Variants in SYNM observed in about 807,000 individuals in gnomAD.
SYNM encodes the protein synemin, also known as desmuslin.
SYNM carries 95 observed loss-of-function variants against 104.0 expected under a neutral mutation model. The ratio of observed to expected loss-of-function variants is 0.91; its 90% CI spans 0.77 to 1.08. SYNM has a LOEUF of 1.08. SYNM is among the 50% of genes least tolerant of loss of function. The pLI is 0.00. For synonymous variants in SYNM, 918 were observed against 869.0 expected (o/e 1.06, Z -0.99); for missense variants, 2,150 against 2,052.2 (o/e 1.05, Z -0.92).
At chr15:99,138,576 G>A (rs2151821122), downstream of SYNM, among the ~76,000 whole-genome samples, 1 of 152,324 alleles carries the variant, frequency 6.6e-6, no homozygotes, top group South Asian at 2.1e-4. Context: ...GCCTCCCAAG[G>A]TGCTGGGATT....
In SYNM at chr15:99,131,686, C is replaced by T. The variant is rs897500389; in HGVS notation, c.3326C>T (p.Thr1109Ile). The T allele has an allele frequency of 2.5e-6, 4 of 1,613,166 alleles. No individual in the cohort carries two copies. The highest frequency in any genetic ancestry group is 1.1e-5 in the South Asian group (1 of 91,030). The change falls in exon 4 of 4, where the codon ACA becomes ATA. Residue 1109 changes from threonine to isoleucine, a missense_variant. Physicochemically the swap from Thr to Ile is moderately conservative, Grantham distance 89. Transcript: ENST00000336292. The surrounding 1 kb of genome is among the most constrained non-coding windows in gnomAD (Gnocchi z 4.3). ...GCCACTGTGGAGGTCAGCAGCCCCA[C>T]AGGCTTTGCCCAGTCACAGGTGCTG... ...VSATVEVSSP[T>I]GFAQSQVLED...
chr15:99,128,683 T>C (rs577082872), intron 3 of SYNM: 1 of 152,886 alleles, frequency 6.5e-6, no homozygotes, highest in South Asian at 2.1e-4. Flanking sequence ...CCCCAAAGGG[T>C]AGCACTGTCT....
Position 99,105,150 on chromosome 15 carries a change from C to T in SYNM, c.-50C>T, listed in dbSNP as rs1555482290. The T allele has an allele frequency of 3.9e-6, 6 of 1,542,942 alleles. No individual in the cohort carries two copies. The highest frequency in any genetic ancestry group is 2.3e-4 in the Middle Eastern group (1 of 4,396). The stretch of plus-strand genomic sequence containing the variant: ...GGAGAGGACGAGACCGGGACAAGAC[C>T]AGGGCAGGAGGGAGCCGGCCAGCCG... On this transcript the variant is annotated 5_prime_UTR_variant, in exon 1 of 4. Coordinates refer to ENST00000336292, the MANE Select transcript of SYNM (RefSeq NM_145728.3).
chr15:99,119,079 G>A (rs2067375990), intron 2 of SYNM, among the ~76,000 whole-genome samples: 1 of 152,206 alleles, frequency 6.6e-6, no homozygotes, highest in African/African-American at 2.4e-5. Flanking sequence ...GTCTTGCCTG[G>A]AGTGTGCGTT....
chr15:99,115,131 C>T (rs2067335371), intron 2 of SYNM, among the ~76,000 whole-genome samples: 1 of 152,156 alleles, frequency 6.6e-6, no homozygotes, highest in Admixed American at 6.5e-5. Context: ...AAAGCTGTGC[C>T]ATCCCCACCA....
chr15:99,131,572 G>C lies in SYNM; in HGVS notation c.3212G>C (p.Arg1071Pro), dbSNP rs782130402. The change falls in exon 4 of 4, where the codon CGG becomes CCG. Residue 1071 changes from arginine to proline, a missense_variant. Transcript: ENST00000336292. This position sits in a 1 kb window ranked among gnomAD's most constrained non-coding sequence, Gnocchi z 4.3. ...ATTCGCTTTAGGCGTTGGGCCACCC[G>C]GGAGCTGTACATCCCTTCAGGCGAG... ...AGIRFRRWAT[R>P]ELYIPSGESE... The C allele has an allele frequency of 1.9e-6, 3 of 1,609,148 alleles. No individual in the cohort carries two copies. Among genetic ancestry groups the C allele is most frequent in the Non-Finnish European group, 2.5e-6 (3 of 1,179,686 alleles).
At position 99,130,868 on chromosome 15, in the gene SYNM, T is replaced by G. The variant is rs1193792978; in HGVS notation, c.2508T>G (p.Asp836Glu). ...AGAGTTATTTTGTGTCCACTCCAGA[T>G]GAACACCCCGGGGGGCACGACAGAG... ...GEQSYFVSTPDEHPGGHDRDD... is the reference protein window; with the variant it reads ...GEQSYFVSTPEEHPGGHDRDD... The change falls in exon 4 of 4, where the codon GAT (aspartate) becomes GAG (glutamate). Residue 836 changes from aspartate to glutamate, a missense_variant. Coordinates refer to ENST00000336292, the MANE Select transcript of SYNM (RefSeq NM_145728.3). 7 of 1,613,736 alleles carry G rather than the reference T, an allele frequency of 4.3e-6. No individual in the cohort carries two copies. Among genetic ancestry groups the G allele is most frequent in the African/African-American group, 1.3e-5 (1 of 74,854 alleles).
At chr15:99,123,421 T>C (rs540748765) in intron 2 of SYNM, among the ~76,000 whole-genome samples, 4 of 152,228 alleles carry the variant, frequency 2.6e-5, no homozygotes, top group South Asian at 4.2e-4. Context: ...CCTCCTGTTA[T>C]CCTTCCTGTG....
chr15:99,105,093 C>G lies in SYNM; in HGVS notation c.-107C>G. 7.5e-7 allele frequency: 1 copy of G among 1,329,748 alleles called. No individual in the cohort carries two copies. Among genetic ancestry groups the G allele is most frequent in the Non-Finnish European group, 1.0e-6 (1 of 991,680 alleles). The allele number at this position is 1,329,748 out of a possible 1,614,324, so 82.4% of individuals were successfully genotyped here. A position where few individuals can be genotyped will look rare whatever the true frequency, so the allele number is the denominator to read the frequency against. ...CGCTCGCGTCCCAGTCTGCGGGCCTCCGGGGCAGCGGCGAGGCCGGAGCGT... is the reference window on the plus strand; with the variant it reads ...CGCTCGCGTCCCAGTCTGCGGGCCTGCGGGGCAGCGGCGAGGCCGGAGCGT... On this transcript the variant is annotated 5_prime_UTR_variant, in exon 1 of 4. Transcript: ENST00000336292.
chr15:99,139,658 G>T (rs1555489240), downstream of SYNM: 9 of 1,440,574 alleles, frequency 6.2e-6, no homozygotes, highest in Middle Eastern at 1.9e-4. Context: ...TTTAAAAGTA[G>T]TATTTTTAAA....
At chr15:99,114,764 C>T (rs1458824325) in intron 2 of SYNM, among the ~76,000 whole-genome samples, 1 of 120,430 alleles carries the variant, frequency 8.3e-6, no homozygotes, top group Non-Finnish European at 1.9e-5. Context: ...GTGCTCCTCC[C>T]CTCCTTGGCA....
In SYNM at chr15:99,105,139, C is replaced by A; in HGVS notation, c.-61C>A. 1 of 1,522,932 alleles carries A rather than the reference C, an allele frequency of 6.6e-7. No individual in the cohort carries two copies. Among genetic ancestry groups the A allele is most frequent in the Non-Finnish European group, 8.8e-7 (1 of 1,138,218 alleles). 94.3% of individuals were successfully genotyped at this position (1,522,932 alleles called of 1,614,324 possible). On this transcript the variant is annotated 5_prime_UTR_variant, in exon 1 of 4. Coordinates refer to ENST00000336292, the MANE Select transcript of SYNM (RefSeq NM_145728.3). ...AGCGTCGCGGCGGAGAGGACGAGACCGGGACAAGACCAGGGCAGGAGGGAG... is the reference window on the plus strand; with the variant it reads ...AGCGTCGCGGCGGAGAGGACGAGACAGGGACAAGACCAGGGCAGGAGGGAG...
intron 1 of SYNM, among the ~76,000 whole-genome samples, chr15:99,109,178 A>G (rs916281060): frequency 1.3e-5 from 2 of 152,142 alleles, no homozygotes; most frequent in African/African-American, 2.4e-5. Flanking sequence ...CCTTCACTGT[A>G]TGAGGCGGTA....
At position 99,134,682 on chromosome 15, in the gene SYNM, G is replaced by C. The variant is rs546339928; in HGVS notation, c.*1624G>C. 6.6e-6 allele frequency: 1 copy of C among 152,296 alleles called. No individual in the cohort carries two copies. The highest frequency in any genetic ancestry group is 2.4e-5 in the African/African-American group (1 of 41,566). The allele number at this position is 152,296 out of a possible 1,614,324, so 9.4% of individuals were successfully genotyped here. A position where few individuals can be genotyped will look rare whatever the true frequency, so the allele number is the denominator to read the frequency against. On this transcript the variant is annotated 3_prime_UTR_variant, in exon 4 of 4. Transcript: ENST00000336292. The stretch of plus-strand genomic sequence containing the variant: ...GACCCCCAGGGTGCACGTCTCCCCA[G>C]GTCCTGGGAGTGGCTACCGCAGGTA...
At chr15:99,127,521 C>G (rs4965447) in intron 3 of SYNM, among the ~76,000 whole-genome samples, 21,046 of 152,236 alleles carry the variant, frequency 0.14, 1,485 homozygotes, top group Admixed American at 0.16. Context: ...ACACCTTAGG[C>G]AGCAGCATGG....
rs1596134069 is a variant in SYNM, at chr15:99,129,587, C to G, written c.1227C>G (p.Thr409=). ...CGGGATATTCTTCCTCGGCCACTACCCAGCAGGAAAACTCATACGGAAAAG... is the reference window on the plus strand; with the variant it reads ...CGGGATATTCTTCCTCGGCCACTACGCAGCAGGAAAACTCATACGGAAAAG... ...LGSGYSSSAT[T]QQENSYGKAV... Residue 409 remains threonine (T), a synonymous_variant, in exon 4 of 4, where the codon ACC becomes ACG. Transcript: ENST00000336292. 6.2e-7 allele frequency: 1 copy of G among 1,613,946 alleles called. No homozygotes were observed. Among genetic ancestry groups the G allele is most frequent in the South Asian group, 1.1e-5 (1 of 91,072 alleles).
At chr15:99,115,981 G>A (rs1215908305) in intron 2 of SYNM, among the ~76,000 whole-genome samples, 1 of 152,250 alleles carries the variant, frequency 6.6e-6, no homozygotes, top group Non-Finnish European at 1.5e-5. Flanking sequence ...CCCCTGGCCT[G>A]GGCCCCAGGA....
rs2067352254 is a variant in SYNM, at chr15:99,116,639, A to C, written c.935+2924A>C. ...CAGCAGGCATGTCACATGGCAAGAGAGCGAGCAAGAGAGTGGGGAGGTGTC... is the reference window on the plus strand; with the variant it reads ...CAGCAGGCATGTCACATGGCAAGAGCGCGAGCAAGAGAGTGGGGAGGTGTC... On this transcript the variant is annotated intron_variant, in intron 2 of 3. Transcript: ENST00000336292. Among the ~76,000 whole-genome samples, 2 of 143,072 alleles carry C rather than the reference A, an allele frequency of 1.4e-5. 1 individual carries two copies. Among genetic ancestry groups the C allele is most frequent in the Admixed American group, 1.4e-4 (2 of 13,962 alleles). 93.9% of individuals were successfully genotyped at this position (143,072 alleles called of 152,430 possible).
chr15:99,118,135 G>A (rs2067367147), intron 2 of SYNM, among the ~76,000 whole-genome samples: 1 of 150,440 alleles, frequency 6.6e-6, no homozygotes, highest in African/African-American at 2.5e-5. Context: ...GTATAGTCTC[G>A]GAGATGCCCG....
Sources: allele counts gnomAD v4.1 joint callset (sites outside exome capture counted in the v4.1 genomes callset), GRCh38; gene constraint gnomAD v4.1.1; non-coding constraint Gnocchi (gnomAD v3.1); transcripts MANE v1.5; gene names NCBI Gene and HGNC (gene_info 2026-07-23, HGNC 2026-07-21).